CBFA2T3: variants seen among roughly 807,000 people sequenced by gnomAD.
CBFA2T3 encodes transcriptional corepressor CBFA2T3.
Under a neutral mutation model 58.6 loss-of-function variants are expected in CBFA2T3, and 31 were observed. That is an observed-to-expected ratio of 0.53 (90% confidence interval 0.40 to 0.71). The LOEUF (loss-of-function observed/expected upper bound fraction) is 0.71. CBFA2T3 is among the 30% of genes least tolerant of loss of function. The pLI is 0.00. For missense variants in CBFA2T3, 1,076 were observed against 963.1 expected (o/e 1.12, Z -1.55); for synonymous variants, 531 against 421.9 (o/e 1.26, Z -3.17).
In CBFA2T3 at chr16:88,976,912, C is replaced by G; in HGVS notation, c.-105G>C. 7.3e-7 allele frequency: 1 copy of G among 1,377,520 alleles called. No homozygotes were observed. The highest frequency in any genetic ancestry group is 9.7e-7 in the Non-Finnish European group (1 of 1,027,192). 85.3% of individuals were successfully genotyped at this position (1,377,520 alleles called of 1,614,324 possible). A position where few individuals can be genotyped will look rare whatever the true frequency, so the allele number is the denominator to read the frequency against. ...CTTGAGGGAAAGAGGAGGGGCTGGG[C>G]CAGCTGGGGCGTCCTGGAGTTGGGC... On this transcript the variant is annotated 5_prime_UTR_variant, in exon 1 of 12. Transcript: ENST00000268679.
chr16:88,892,642 G>A (rs1048796960), intron 3 of CBFA2T3, among the ~76,000 whole-genome samples, 157 bp from the exon 4 acceptor site: 1 of 152,192 alleles, frequency 6.6e-6, no homozygotes, highest in African/African-American at 2.4e-5. Context: ...GATGACAGCA[G>A]GAGCCCTGGG....
chr16:88,949,780 G>A (rs765766725), intron 1 of CBFA2T3, among the ~76,000 whole-genome samples: 2 of 152,092 alleles, frequency 1.3e-5, no homozygotes, highest in Non-Finnish European at 2.9e-5. Flanking sequence ...GGAGGCCGAG[G>A]CAGGCAGACC....
chr16:88,899,291 G>A (rs1271332631), intron 2 of CBFA2T3, among the ~76,000 whole-genome samples: 3 of 152,128 alleles, frequency 2.0e-5, no homozygotes, highest in African/African-American at 7.2e-5. Flanking sequence ...CAGGGGCAGG[G>A]GTGCGGCCAA....
chr16:88,905,233 C>T (rs556724335), intron 1 of CBFA2T3, among the ~76,000 whole-genome samples: 1 of 152,050 alleles, frequency 6.6e-6, no homozygotes, highest in Non-Finnish European at 1.5e-5. Context: ...TAATACCCTT[C>T]AGCAGCTTCC....
At chr16:88,900,555 G>C (rs924101120) in intron 2 of CBFA2T3, among the ~76,000 whole-genome samples, 1 of 152,184 alleles carries the variant, frequency 6.6e-6, no homozygotes, top group Non-Finnish European at 1.5e-5. Flanking sequence ...CAAGCAGGAC[G>C]GAAGTCTCAG....
At chr16:88,964,045 G>A (rs986352420) in intron 1 of CBFA2T3, among the ~76,000 whole-genome samples, 2 of 152,228 alleles carry the variant, frequency 1.3e-5, no homozygotes, top group African/African-American at 4.8e-5. Flanking sequence ...GAGGTAGGTG[G>A]CACAGCTCTA....
intron 5 of CBFA2T3, among the ~76,000 whole-genome samples, chr16:88,890,153 C>T (rs1173436044): frequency 6.6e-6 from 1 of 152,214 alleles, no homozygotes; most frequent in African/African-American, 2.4e-5. Flanking sequence ...CCTCACCTCC[C>T]TGTAGTCCCC....
At chr16:88,922,200 C>G (rs539700891) in intron 1 of CBFA2T3, among the ~76,000 whole-genome samples, 1 of 152,224 alleles carries the variant, frequency 6.6e-6, no homozygotes, top group African/African-American at 2.4e-5. Flanking sequence ...AGAGGGTACC[C>G]CATGCCTCCC....
intron 3 of CBFA2T3, among the ~76,000 whole-genome samples, chr16:88,894,647 C>G (rs1394276449): frequency 6.6e-6 from 1 of 152,242 alleles, no homozygotes; most frequent in Non-Finnish European, 1.5e-5. Flanking sequence ...GATGTACACG[C>G]TCGTCTCTCT....
intron 7 of CBFA2T3, 190 bp downstream of exon 7, chr16:88,884,856 G>A (rs777507128): frequency 7.4e-6 from 4 of 537,408 alleles, no homozygotes; most frequent in African/African-American, 4.0e-5. Context: ...TGGGTTCAGG[G>A]CCCAGGACAG....
chr16:88,889,326 G>C, intron 5 of CBFA2T3, among the ~76,000 whole-genome samples: 1 of 125,052 alleles, frequency 8.0e-6, no homozygotes, highest in East Asian at 2.6e-4. Flanking sequence ...AGGGCAGGAG[G>C]AAAGGAGGGG....
At chr16:88,918,392 G>C (rs1190933849) in intron 1 of CBFA2T3, among the ~76,000 whole-genome samples, 1 of 152,162 alleles carries the variant, frequency 6.6e-6, no homozygotes, top group Non-Finnish European at 1.5e-5. Context: ...TGCCTTCGCA[G>C]TGTGGGCTGT....
chr16:88,937,800 C>A (rs1971555296), intron 1 of CBFA2T3: 1 of 152,304 alleles, frequency 6.6e-6, no homozygotes, highest in South Asian at 2.1e-4. Flanking sequence ...GGAGGACAGG[C>A]ACTTTTTGTC....
At chr16:88,901,983 C>T (rs1460174536) in intron 1 of CBFA2T3, among the ~76,000 whole-genome samples, 1 of 152,208 alleles carries the variant, frequency 6.6e-6, no homozygotes, top group Non-Finnish European at 1.5e-5. Context: ...TGCCCCGAGG[C>T]AGCGGTGCCT....
At chr16:88,919,676 G>A (rs981154449) in intron 1 of CBFA2T3, among the ~76,000 whole-genome samples, 3 of 152,194 alleles carry the variant, frequency 2.0e-5, no homozygotes, top group African/African-American at 4.8e-5. Flanking sequence ...GAGTCCCCGG[G>A]CGGGACCCCA....
chr16:88,909,013 G>A (rs1201037430), intron 1 of CBFA2T3, among the ~76,000 whole-genome samples: 2 of 152,302 alleles, frequency 1.3e-5, no homozygotes, highest in African/African-American at 4.8e-5. Context: ...TGCTCCCGGG[G>A]AGCGGGGGGC....
intron 1 of CBFA2T3, among the ~76,000 whole-genome samples, chr16:88,910,164 C>T (rs1031857886): frequency 1.3e-5 from 2 of 152,250 alleles, no homozygotes; most frequent in African/African-American, 4.8e-5. Flanking sequence ...GCCCCAGGGC[C>T]TTTGCATGGC....
At chr16:88,897,229 G>C (rs1415686700) in intron 3 of CBFA2T3, among the ~76,000 whole-genome samples, 1 of 152,264 alleles carries the variant, frequency 6.6e-6, no homozygotes, top group African/African-American at 2.4e-5. Flanking sequence ...CGCCAGGCGC[G>C]AGTGCGTGGC....
At chr16:88,920,104 G>C (rs906711296) in intron 1 of CBFA2T3, among the ~76,000 whole-genome samples, 4 of 152,192 alleles carry the variant, frequency 2.6e-5, no homozygotes, top group African/African-American at 9.7e-5. Context: ...AGGGTCAGGC[G>C]GTGTGCGCCC....
Sources: allele counts gnomAD v4.1 joint callset (sites outside exome capture counted in the v4.1 genomes callset), GRCh38; gene constraint gnomAD v4.1.1; transcripts MANE v1.5; gene names NCBI Gene and HGNC (gene_info 2026-07-23, HGNC 2026-07-21).